The following SFXN4 variants were observed in gnomAD, a reference collection of about 807,000 sequenced individuals.
SFXN4 encodes the protein sideroflexin 4, also known as sideroflexin-4.
SFXN4 carries 48 observed loss-of-function variants against 54.6 expected under a neutral mutation model. The observed-to-expected ratio is 0.88, with a 90% CI of 0.70 to 1.12. The LOEUF (loss-of-function observed/expected upper bound fraction) is 1.12, where lower values mean the gene tolerates loss of function less well. Among genes scored for constraint, SFXN4 ranks in the 50% most tolerant of loss-of-function variants. SFXN4 has a pLI of 0.00. For missense variants in SFXN4, 383 were observed against 409.2 expected (o/e 0.94, Z 0.55); for synonymous variants, 130 against 145.5 (o/e 0.89, Z 0.77).
chr10:119,144,347 C>T (rs1203730114), intron 13 of SFXN4, among the ~76,000 whole-genome samples: 1 of 152,078 alleles, frequency 6.6e-6, no homozygotes, highest in Non-Finnish European at 1.5e-5. Flanking sequence ...GTCCCAGCTA[C>T]TCAGGAGGCT....
At chr10:119,147,616 G>A (rs1038992182) in intron 12 of SFXN4, among the ~76,000 whole-genome samples, 159 bp downstream of exon 12, 10 of 152,174 alleles carry the variant, frequency 6.6e-5, no homozygotes, top group South Asian at 6.2e-4. Context: ...GGATTTCCAC[G>A]CCTGCCACAA....
chr10:119,163,557 A>G (rs1258420568), intron 2 of SFXN4, among the ~76,000 whole-genome samples: 1 of 151,956 alleles, frequency 6.6e-6, no homozygotes, highest in Non-Finnish European at 1.5e-5. Context: ...GTCTGCCACC[A>G]CACCCAGCTA....
At chr10:119,164,247 G>C in intron 1 of SFXN4, 51 bp from the exon 2 acceptor site, 123 of 938,726 alleles carry the variant, frequency 1.3e-4, no homozygotes, top group Non-Finnish European at 1.8e-4. Context: ...GAAAAATAAA[G>C]ATATAAATAC....
At chr10:119,164,272 T>TC in intron 1 of SFXN4, 76 bp from the exon 2 acceptor site, 1 of 888,474 alleles carries the variant, frequency 1.1e-6, no homozygotes, top group Admixed American at 2.5e-5. Context: ...AGTTGGCTTT[T>TC]TTTTTTTTTT....
At position 119,157,911 on chromosome 10, in the gene SFXN4, T is replaced by C. The variant is rs757797939; in HGVS notation, c.431A>G (p.Tyr144Cys). 3.7e-6 allele frequency: 6 copies of C among 1,614,134 alleles called. No homozygotes were observed. Among genetic ancestry groups the C allele is most frequent in the African/African-American group, 2.7e-5 (2 of 74,952 alleles). ...VILPQVFLCA[Y>C]MAAFNSINGN... The stretch of plus-strand genomic sequence containing the variant: ...ATTGATGCTGTTGAACGCTGCCATG[T>C]AGGCACAGAGGAAAACCTGCCGAGA... The change falls in exon 8 of 14, where the codon TAC becomes TGC. Residue 144 changes from tyrosine (Y) to cysteine (C), a missense_variant. By Grantham distance (194) the Tyr-to-Cys change is radical. Coordinates refer to ENST00000355697, the MANE Select transcript of SFXN4 (RefSeq NM_213649.2).
chr10:119,147,652 G>A (rs1191384738), intron 12 of SFXN4, 123 bp downstream of exon 12: 2 of 730,250 alleles, frequency 2.7e-6, no homozygotes, highest in Non-Finnish European at 4.8e-6. Context: ...TAGCTGTGAT[G>A]TGTGTTTATG....
intron 11 of SFXN4, 108 bp downstream of exon 11, chr10:119,154,954 G>A (rs2133601423): frequency 2.8e-6 from 2 of 717,784 alleles, no homozygotes; most frequent in Non-Finnish European, 2.5e-6. Context: ...AAGGAAAGAC[G>A]GGTAAAGAAA....
intron 12 of SFXN4, 21 bp from the exon 13 acceptor site, chr10:119,146,374 C>G: frequency 6.9e-7 from 1 of 1,439,214 alleles, no homozygotes; most frequent in Non-Finnish European, 9.8e-7. Flanking sequence ...CAAGGCATGG[C>G]TCACAAGTGA....
At chr10:119,157,602 G>T (rs1847324468) in intron 9 of SFXN4, 66 bp downstream of exon 9, 15 of 1,271,894 alleles carry the variant, frequency 1.2e-5, no homozygotes, top group Non-Finnish European at 1.5e-5. Context: ...ATTTGTAATT[G>T]GAATAAATAA....
chr10:119,164,878 T>C (rs2420493), intron 1 of SFXN4, among the ~76,000 whole-genome samples: 151,671 of 152,306 alleles, frequency 1, 75,523 homozygotes, highest in East Asian at 1. Flanking sequence ...AGATGTGCTG[T>C]GAAGGTAACA....
intron 11 of SFXN4, among the ~76,000 whole-genome samples, chr10:119,149,347 T>C (rs7089432): frequency 0.98 from 149,460 of 152,276 alleles, 73,408 homozygotes; most frequent in Middle Eastern, 1. Flanking sequence ...GCTCTCTGCT[T>C]GCACCTCTGC....
chr10:119,158,161 C>G, intron 6 of SFXN4, 99 bp from the exon 7 acceptor site: 1 of 1,151,830 alleles, frequency 8.7e-7, no homozygotes, highest in Admixed American at 1.7e-5. Context: ...ATTGAGCCCC[C>G]AAGGAGCTGG....
In SFXN4 at chr10:119,146,347, C is replaced by G; in HGVS notation, c.825G>C (p.Gln275His). 1.2e-6 allele frequency: 2 copies of G among 1,602,388 alleles called. No homozygotes were observed. The highest frequency in any genetic ancestry group is 2.7e-5 in the African/African-American group (2 of 74,722). Residue 275 changes from glutamine (Q) to histidine (H), a missense_variant, in exon 13 of 14, where the codon CAG (glutamine) becomes CAC (histidine). Gln to His is a conservative substitution (Grantham distance 24). Transcript: ENST00000355697. ...EVFTYFFKRTQYFRKNPGSLW... is the reference protein window; with the variant it reads ...EVFTYFFKRTHYFRKNPGSLW... ...ATGACCCTGGGTTTTTCCTGAAATA[C>G]TGGGTCCTGTAAGAGACAAGGCATG...
In SFXN4 at chr10:119,159,716, C is replaced by T; in HGVS notation, c.360+12G>A. 2 of 1,613,984 alleles carry T rather than the reference C, an allele frequency of 1.2e-6. No individual in the cohort carries two copies. The highest frequency in any genetic ancestry group is 2.7e-5 in the African/African-American group (2 of 75,038). ...CCCCTAGTCTCCTAACGGCAAATGTCTGCTTGCTCACCGTGGGTGCCATGA... is the reference window on the plus strand; with the variant it reads ...CCCCTAGTCTCCTAACGGCAAATGTTTGCTTGCTCACCGTGGGTGCCATGA... On this transcript the variant is annotated intron_variant, in intron 6 of 13. Coordinates refer to ENST00000355697, the MANE Select transcript of SFXN4 (RefSeq NM_213649.2).
intron 11 of SFXN4, among the ~76,000 whole-genome samples, chr10:119,154,015 T>TA (rs1198582061): frequency 9.9e-5 from 15 of 151,894 alleles, no homozygotes; most frequent in South Asian, 6.3e-4. Flanking sequence ...CCACCTCTAC[T>TA]AAAAATACAA....
intron 3 of SFXN4, chr10:119,161,990 T>G (rs1317146001): frequency 3.0e-6 from 1 of 331,454 alleles, no homozygotes; most frequent in Non-Finnish European, 5.5e-6. Context: ...GAGAATGAAT[T>G]CTGACGTCAG....
chr10:119,150,531 C>A, intron 11 of SFXN4, among the ~76,000 whole-genome samples: 1 of 151,400 alleles, frequency 6.6e-6, no homozygotes, highest in African/African-American at 2.4e-5. Flanking sequence ...TTTTTTTTAA[C>A]ATTAGCCATG....
At chr10:119,157,810 A>G (rs1847332337) in intron 8 of SFXN4, 61 bp downstream of exon 8, 20 of 1,605,604 alleles carry the variant, frequency 1.2e-5, no homozygotes, top group Non-Finnish European at 1.6e-5. Context: ...ACAAACACAT[A>G]CAACAAACTC....
At chr10:119,148,138 C>T (rs768679755) in intron 11 of SFXN4, among the ~76,000 whole-genome samples, 1 of 152,140 alleles carries the variant, frequency 6.6e-6, no homozygotes, top group Non-Finnish European at 1.5e-5. Flanking sequence ...CGCCACTGCA[C>T]TCCAGATTGG....
Sources: gnomAD v4.1 joint callset for allele counts (sites outside exome capture counted in the v4.1 genomes callset) on GRCh38, gnomAD v4.1.1 for gene constraint, MANE v1.5 for transcripts, NCBI Gene and HGNC (gene_info 2026-07-23, HGNC 2026-07-21) for gene names.